The following ZBTB20 variants were observed in gnomAD, a reference collection of about 807,000 sequenced individuals.
ZBTB20 encodes zinc finger and BTB domain containing 20.
In ZBTB20, 9 loss-of-function variants were observed where a neutral mutation model predicts 56.9. The ratio of observed to expected loss-of-function variants is 0.16; its 90% confidence interval spans 0.10 to 0.28. ZBTB20 has a LOEUF of 0.28. ZBTB20 is among the 10% of genes least tolerant of loss of function. The pLI is 1.00. For missense variants in ZBTB20, 655 were observed against 1,003.0 expected (o/e 0.65, Z 4.69); for synonymous variants, 417 against 420.7 (o/e 0.99, Z 0.11).
chr3:114,481,493 C>T (rs981769561), intron 7 of ZBTB20, among the ~76,000 whole-genome samples: 1 of 152,116 alleles, frequency 6.6e-6, no homozygotes, highest in African/African-American at 2.4e-5. Context: ...AATCCCTCCC[C>T]GATTTGCTTG....
intron 3 of ZBTB20, chr3:114,900,654 T>G (rs568031011): frequency 8.0e-6 from 1 of 125,716 alleles, no homozygotes; most frequent in East Asian, 2.1e-4. Context: ...CACTTTAAAA[T>G]GATTTTTTTT....
intron 5 of ZBTB20, among the ~76,000 whole-genome samples, chr3:114,738,215 C>A (rs887882513): frequency 6.6e-6 from 1 of 151,534 alleles, no homozygotes; most frequent in African/African-American, 2.4e-5. Context: ...ATATATTTAT[C>A]ATTTAAAATA....
At chr3:114,736,194 G>A (rs992089361) in intron 5 of ZBTB20, among the ~76,000 whole-genome samples, 1 of 152,102 alleles carries the variant, frequency 6.6e-6, no homozygotes, top group African/African-American at 2.4e-5. Context: ...TAAAATGAAG[G>A]AAATAGTAGA....
Position 114,321,524 on chromosome 3 carries a change from A to G in ZBTB20, c.*17481T>C, listed in dbSNP as rs1473294999. 1 of 152,232 alleles carries G rather than the reference A, an allele frequency of 6.6e-6. No individual in the cohort carries two copies. Among genetic ancestry groups the G allele is most frequent in the African/African-American group, 2.4e-5 (1 of 41,454 alleles). The allele number at this position is 152,232 out of a possible 1,614,324, so 9.4% of individuals were successfully genotyped here. On this transcript the variant is annotated 3_prime_UTR_variant, in exon 12 of 12. Transcript: ENST00000675478. ...AGCAGAGAAGGTGTGCAAAGTTTCAATGGCAGGGGCTCTTTACGTTAACTA... is the reference window on the plus strand; with the variant it reads ...AGCAGAGAAGGTGTGCAAAGTTTCAGTGGCAGGGGCTCTTTACGTTAACTA...
intron 3 of ZBTB20, among the ~76,000 whole-genome samples, chr3:114,921,302 T>C (rs1276623625): frequency 6.6e-6 from 1 of 152,082 alleles, no homozygotes; most frequent in Non-Finnish European, 1.5e-5. Flanking sequence ...TTTGTATTTT[T>C]AGTAGAGATG....
chr3:114,601,444 C>T (rs1356247351), intron 6 of ZBTB20, among the ~76,000 whole-genome samples: 1 of 152,008 alleles, frequency 6.6e-6, no homozygotes, highest in African/African-American at 2.4e-5. Flanking sequence ...ACTGTTTGCC[C>T]ATATTCCCAT....
chr3:114,371,011 A>C (rs1179917712), intron 10 of ZBTB20, among the ~76,000 whole-genome samples: 1 of 152,148 alleles, frequency 6.6e-6, no homozygotes, highest in Non-Finnish European at 1.5e-5. Context: ...ATAGTGTGAA[A>C]TACTGACAGT....
intron 6 of ZBTB20, among the ~76,000 whole-genome samples, chr3:114,656,302 T>C (rs1169963983): frequency 6.6e-6 from 1 of 152,222 alleles, no homozygotes; most frequent in Non-Finnish European, 1.5e-5. Context: ...TCTCAGCAAA[T>C]TTTGGACATT....
intron 2 of ZBTB20, among the ~76,000 whole-genome samples, chr3:115,007,703 TTTTTA>T (rs1390368840): frequency 6.6e-6 from 1 of 151,532 alleles, no homozygotes; most frequent in Non-Finnish European, 1.5e-5. Flanking sequence ...TTGAAGAGAG[TTTTTA>T]CTTCTTTACC....
chr3:114,563,849 A>G (rs1407374206), intron 6 of ZBTB20, among the ~76,000 whole-genome samples: 1 of 152,204 alleles, frequency 6.6e-6, no homozygotes, highest in East Asian at 1.9e-4. Flanking sequence ...ATGTACTCTT[A>G]ACTAGATAAC....
intron 6 of ZBTB20, among the ~76,000 whole-genome samples, chr3:114,572,307 T>C (rs994490792): frequency 4.6e-5 from 7 of 152,218 alleles, no homozygotes; most frequent in Non-Finnish European, 5.9e-5. Flanking sequence ...GCTAGTAAGA[T>C]AGATTATGGA....
chr3:114,923,319 T>C (rs1029077520), intron 3 of ZBTB20, among the ~76,000 whole-genome samples: 7 of 152,202 alleles, frequency 4.6e-5, no homozygotes, highest in African/African-American at 1.7e-4. Flanking sequence ...TGATTTCAAT[T>C]TGTCTTACGA....
chr3:114,967,144 T>C (rs567851308), intron 3 of ZBTB20, among the ~76,000 whole-genome samples: 2 of 152,292 alleles, frequency 1.3e-5, no homozygotes, highest in Admixed American at 6.5e-5. Context: ...CATCTCTCCA[T>C]AGTATTTTAG....
intron 2 of ZBTB20, among the ~76,000 whole-genome samples, chr3:115,005,723 G>T (rs2079438448): frequency 6.6e-6 from 1 of 151,722 alleles, no homozygotes; most frequent in African/African-American, 2.4e-5. Context: ...CTTCTTAGTT[G>T]AGGTCACTGT....
At chr3:114,695,347 C>G (rs1277371288) in intron 5 of ZBTB20, among the ~76,000 whole-genome samples, 1 of 151,622 alleles carries the variant, frequency 6.6e-6, no homozygotes, top group African/African-American at 2.4e-5. Flanking sequence ...AAATGAGAAA[C>G]AGCTAATGTG....
intron 3 of ZBTB20, among the ~76,000 whole-genome samples, chr3:114,955,107 G>C (rs1169222146): frequency 6.6e-6 from 1 of 152,134 alleles, no homozygotes; most frequent in African/African-American, 2.4e-5. Context: ...CCTGAAAGTT[G>C]GAGATCAAGC....
At chr3:114,487,233 A>G (rs1392376981) in intron 7 of ZBTB20, among the ~76,000 whole-genome samples, 1 of 152,148 alleles carries the variant, frequency 6.6e-6, no homozygotes, top group African/African-American at 2.4e-5. Flanking sequence ...TCTGAGCCCT[A>G]GGTACACTGA....
Position 114,339,160 on chromosome 3 carries a change from G to C in ZBTB20, c.2071C>G (p.Pro691Ala). ...GCACCTGGGGGTGTGCCTGCAGGGG[G>C]GGTCCCATTGCTGGCACTGTGCAGG... ...VALHSASNGT[P>A]PAGTPPGARA... The change falls in exon 12 of 12, where the codon CCC becomes GCC. Residue 691 changes from proline to alanine, a missense_variant. This residue lies in a region of ZBTB20 where 89 missense variants were observed against 79.7 expected (regional missense o/e 1.12). Coordinates refer to ENST00000675478, the MANE Select transcript of ZBTB20 (RefSeq NM_001348800.3). This position sits in a 1 kb window ranked among gnomAD's most constrained non-coding sequence, Gnocchi z 4.2. The C allele has an allele frequency of 1.9e-6, 3 of 1,614,106 alleles. No homozygotes were observed. The highest frequency in any genetic ancestry group is 1.7e-6 in the Non-Finnish European group (2 of 1,179,932).
chr3:114,431,973 C>T (rs1283477116), intron 7 of ZBTB20, among the ~76,000 whole-genome samples: 1 of 152,134 alleles, frequency 6.6e-6, no homozygotes, highest in African/African-American at 2.4e-5. Context: ...TCATCTTTTA[C>T]CACCTTAACA....
Sources: gnomAD v4.1 joint callset for allele counts (sites outside exome capture counted in the v4.1 genomes callset) on GRCh38, gnomAD v4.1.1 for gene constraint, gnomAD v4.1.1 regional missense constraint, Gnocchi (gnomAD v3.1) non-coding constraint, MANE v1.5 for transcripts, NCBI Gene and HGNC (gene_info 2026-07-23, HGNC 2026-07-21) for gene names.